The following BICC1 variants were observed in gnomAD, a reference collection of about 807,000 sequenced individuals.
BICC1 encodes the protein protein bicaudal C homolog 1.
In BICC1, 43 loss-of-function variants were observed where a neutral mutation model predicts 111.0. The observed-to-expected ratio is 0.39, with a 90% CI of 0.30 to 0.50. BICC1 has a LOEUF of 0.50. Among genes scored for constraint, BICC1 ranks in the 20% least tolerant of loss-of-function variants. BICC1 has a pLI of 0.88. For missense variants in BICC1, 1,091 were observed against 1,203.2 expected (o/e 0.91, Z 1.38); for synonymous variants, 467 against 434.4 (o/e 1.07, Z -0.93).
At chr10:58,568,041 C>A (rs2131971536) in intron 1 of BICC1, among the ~76,000 whole-genome samples, 1 of 152,226 alleles carries the variant, frequency 6.6e-6, no homozygotes, top group East Asian at 1.9e-4. Context: ...ATTTTGCAGT[C>A]AGTGGCATTC....
intron 1 of BICC1, among the ~76,000 whole-genome samples, chr10:58,570,961 A>C (rs1190715997): frequency 6.6e-6 from 1 of 152,136 alleles, no homozygotes; most frequent in South Asian, 2.1e-4. Flanking sequence ...TTGGGTAGAA[A>C]TGTTTGCTTG....
chr10:58,797,648 T>C (rs1843399594), intron 10 of BICC1, among the ~76,000 whole-genome samples: 1 of 152,192 alleles, frequency 6.6e-6, no homozygotes, highest in African/African-American at 2.4e-5. Flanking sequence ...ACTAACTGAA[T>C]TTTTAAAATG....
In BICC1 at chr10:58,554,338, G is replaced by A. The variant is rs535291780; in HGVS notation, c.190+41005G>A. Among the ~76,000 whole-genome samples the A allele has an allele frequency of 2.6e-5, 4 of 152,118 alleles. No homozygotes were observed. The South Asian group carries it at 6.2e-4, about 24-fold the overall frequency. ...AACTTAGTCTCTGAACTTTAAATCC[G>A]GTCTTCTTTTCCTGTCTTGTAAGAC... On this transcript the variant is annotated intron_variant, in intron 1 of 20. Transcript: ENST00000373886.
At chr10:58,736,254 C>G (rs919227130) in intron 3 of BICC1, among the ~76,000 whole-genome samples, 27 of 152,290 alleles carry the variant, frequency 1.8e-4, no homozygotes, top group African/African-American at 6.5e-4. Flanking sequence ...ACACTAGCCA[C>G]TGGAGATGCA....
chr10:58,684,928 T>C (rs374325174), intron 2 of BICC1, among the ~76,000 whole-genome samples: 3 of 152,124 alleles, frequency 2.0e-5, no homozygotes, highest in Admixed American at 6.5e-5. Context: ...AATGTGTTTG[T>C]TCTTGCTTCT....
chr10:58,718,761 T>A (rs1048469080), intron 3 of BICC1, among the ~76,000 whole-genome samples: 2 of 149,688 alleles, frequency 1.3e-5, no homozygotes, highest in Non-Finnish European at 3.0e-5. Flanking sequence ...TGTGTGTGTG[T>A]GTGTGCGCGC....
chr10:58,631,577 G>C (rs1837796618), intron 2 of BICC1, among the ~76,000 whole-genome samples: 2 of 151,522 alleles, frequency 1.3e-5, no homozygotes, highest in Non-Finnish European at 2.9e-5. Flanking sequence ...TGTTACTTTT[G>C]TCACCCTGGA....
intron 1 of BICC1, among the ~76,000 whole-genome samples, chr10:58,519,074 C>G (rs1397915817): frequency 1.3e-5 from 2 of 152,128 alleles, no homozygotes; most frequent in African/African-American, 4.8e-5. Context: ...AATGAGAAGT[C>G]TGGGGCTAAG....
At chr10:58,796,883 A>G (rs1843371876) in intron 10 of BICC1, among the ~76,000 whole-genome samples, 1 of 152,052 alleles carries the variant, frequency 6.6e-6, no homozygotes, top group African/African-American at 2.4e-5. Context: ...CCCTAGAGAT[A>G]AAGATTATCC....
chr10:58,656,555 C>G (rs1179193076), intron 2 of BICC1, among the ~76,000 whole-genome samples: 1 of 150,650 alleles, frequency 6.6e-6, no homozygotes, highest in Non-Finnish European at 1.5e-5. Context: ...ATACGCAAAT[C>G]AATAAATGTA....
At chr10:58,711,925 G>C (rs1840588509) in intron 3 of BICC1, among the ~76,000 whole-genome samples, 1 of 151,632 alleles carries the variant, frequency 6.6e-6, no homozygotes, top group African/African-American at 2.4e-5. Context: ...ACAAGCCAGA[G>C]ACGGGGAGAA....
At chr10:58,819,763 C>T (rs1844200708) in intron 19 of BICC1, among the ~76,000 whole-genome samples, 1 of 152,160 alleles carries the variant, frequency 6.6e-6, no homozygotes, top group South Asian at 2.1e-4. Flanking sequence ...TCTTTCTCTT[C>T]TTACACACTA....
intron 1 of BICC1, among the ~76,000 whole-genome samples, chr10:58,583,581 T>TCC (rs1268994736): frequency 1.5e-5 from 1 of 65,494 alleles, no homozygotes; most frequent in East Asian, 3.2e-4. Context: ...GTATTCTCTC[T>TCC]CTCTGTGTGT....
At chr10:58,804,193 A>G (rs1021816206) in intron 15 of BICC1, among the ~76,000 whole-genome samples, 1 of 152,108 alleles carries the variant, frequency 6.6e-6, no homozygotes. Context: ...AATAAAAGCT[A>G]TGGCCTTTAT....
chr10:58,794,629 A>T (rs1168335690), intron 9 of BICC1, among the ~76,000 whole-genome samples: 1 of 152,104 alleles, frequency 6.6e-6, no homozygotes, highest in African/African-American at 2.4e-5. Flanking sequence ...CATGTTGCCC[A>T]GGCTGGTCTT....
chr10:58,653,902 A>T (rs963042580), intron 2 of BICC1, among the ~76,000 whole-genome samples: 3 of 147,168 alleles, frequency 2.0e-5, no homozygotes, highest in Non-Finnish European at 4.5e-5. Flanking sequence ...TCATTGTTCA[A>T]TTCCCACCTA....
chr10:58,811,451 T>G (rs1275799913), intron 17 of BICC1, among the ~76,000 whole-genome samples: 1 of 152,216 alleles, frequency 6.6e-6, no homozygotes, highest in Non-Finnish European at 1.5e-5. Context: ...ATACAAATAA[T>G]AAAGATACTT....
intron 3 of BICC1, among the ~76,000 whole-genome samples, chr10:58,752,484 G>T (rs868171165): frequency 1.3e-5 from 2 of 152,140 alleles, no homozygotes; most frequent in Admixed American, 1.3e-4. Context: ...GTTAGCAGCA[G>T]TTGAACCAGG....
At chr10:58,693,458 C>G (rs1355092294) in intron 2 of BICC1, among the ~76,000 whole-genome samples, 1 of 152,244 alleles carries the variant, frequency 6.6e-6, no homozygotes, top group Non-Finnish European at 1.5e-5. Flanking sequence ...AATGGTTGAA[C>G]TAGTTTACAG....
Sources: gnomAD v4.1 joint callset for allele counts (sites outside exome capture counted in the v4.1 genomes callset) on GRCh38, gnomAD v4.1.1 for gene constraint, MANE v1.5 for transcripts, NCBI Gene and HGNC (gene_info 2026-07-23, HGNC 2026-07-21) for gene names.